The following KCNJ15 variants were observed in gnomAD, a reference collection of about 807,000 sequenced individuals.
KCNJ15 encodes the protein potassium inwardly rectifying channel subfamily J member 15.
A neutral mutation model predicts 23.0 loss-of-function variants in KCNJ15; 14 were observed. The ratio of observed to expected loss-of-function variants is 0.61; its 90% confidence interval spans 0.40 to 0.95. KCNJ15 has a LOEUF of 0.95. Ranked by LOEUF, KCNJ15 falls within the 40% of genes least tolerant of loss-of-function variation. The pLI is 0.00. For missense variants in KCNJ15, 388 were observed against 461.8 expected, an observed-to-expected ratio of 0.84 and a Z score of 1.46; for synonymous variants, 185 against 183.2, an observed-to-expected ratio of 1.01 and a Z score of -0.08.
upstream of KCNJ15, among the ~76,000 whole-genome samples, chr21:38,251,983 G>A (rs2123581983): frequency 6.6e-6 from 1 of 152,318 alleles, no homozygotes; most frequent in South Asian, 2.1e-4. Flanking sequence ...GTGGTGGGAA[G>A]ATGGGGAAGC....
chr21:38,276,328 C>G (rs1291923609), intron 1 of KCNJ15, among the ~76,000 whole-genome samples: 14 of 151,852 alleles, frequency 9.2e-5, no homozygotes. Context: ...AATGGCAGCT[C>G]TTAGGAAATG....
chr21:38,301,333 T>C lies in KCNJ15; in HGVS notation c.*944T>C, dbSNP rs1165891978. ...TGACTCTGTGTGGGTCCCGTATCCC[T>C]GTGGCATCCAGACCTGGCCTCTCTT... On this transcript the variant is annotated 3_prime_UTR_variant, in exon 3 of 3. Transcript: ENST00000398938. The C allele has an allele frequency of 6.0e-6, 1 of 167,262 alleles. No individual in the cohort carries two copies. The allele number at this position is 167,262 out of a possible 1,614,324, so 10.4% of individuals were successfully genotyped here. A position where few individuals can be genotyped will look rare whatever the true frequency, so the allele number is the denominator to read the frequency against.
upstream of KCNJ15, among the ~76,000 whole-genome samples, chr21:38,255,927 A>G (rs1023512752): frequency 1.3e-5 from 2 of 152,156 alleles, no homozygotes; most frequent in African/African-American, 4.8e-5. Flanking sequence ...ACGTGTGGGT[A>G]TATCATCGTC....
intron 1 of KCNJ15, among the ~76,000 whole-genome samples, chr21:38,288,123 C>T (rs1479445855): frequency 1.5e-5 from 2 of 134,726 alleles, no homozygotes. Flanking sequence ...TCACTGCAAG[C>T]TCCACTTCCC....
chr21:38,296,789 A>G (rs1985208086), intron 1 of KCNJ15, 137 bp from the exon 2 acceptor site: 1 of 152,626 alleles, frequency 6.6e-6, no homozygotes, highest in African/African-American at 2.4e-5. Flanking sequence ...CCTTTACCCT[A>G]TTCTGTGCAC....
intron 2 of KCNJ15, among the ~76,000 whole-genome samples, chr21:38,298,513 T>C (rs1377471073): frequency 3.3e-5 from 5 of 152,244 alleles, no homozygotes; most frequent in African/African-American, 1.2e-4. Flanking sequence ...AGAATGTTTT[T>C]GGTTGTTTCA....
chr21:38,276,684 A>T (rs1268941378), intron 1 of KCNJ15, among the ~76,000 whole-genome samples: 3 of 152,222 alleles, frequency 2.0e-5, no homozygotes, highest in Non-Finnish European at 2.9e-5. Context: ...ACAAACCTTC[A>T]TACCCTTTTT....
intron 1 of KCNJ15, among the ~76,000 whole-genome samples, chr21:38,232,473 C>T (rs1165466355): frequency 6.6e-6 from 1 of 151,632 alleles, no homozygotes; most frequent in Non-Finnish European, 1.5e-5. Context: ...TTATGTATTA[C>T]TTTCTTATGC....
At chr21:38,284,005 T>C (rs1007323394) in intron 1 of KCNJ15, among the ~76,000 whole-genome samples, 9 of 152,182 alleles carry the variant, frequency 5.9e-5, no homozygotes, top group African/African-American at 2.2e-4. Context: ...TGCACTTTCA[T>C]GGCTCAAATT....
Position 38,307,009 on chromosome 21 carries a change from A to T in KCNJ15, c.*6620A>T, listed in dbSNP as rs1025061536. On this transcript the variant is annotated 3_prime_UTR_variant, in exon 3 of 3. Coordinates refer to ENST00000398938, the MANE Select transcript of KCNJ15 (RefSeq NM_170736.3). ...ATAGAACCACATCTGATCCTTATAC[A>T]GTGTTGCAAGATATATGTCCTTGCT... 3.3e-5 allele frequency: 5 copies of T among 152,182 alleles called. No individual in the cohort carries two copies. Among genetic ancestry groups the T allele is most frequent in the African/African-American group, 9.7e-5 (4 of 41,446 alleles). 9.4% of individuals were successfully genotyped at this position (152,182 alleles called of 1,614,324 possible).
chr21:38,261,085 G>T (rs1980837874), intron 1 of KCNJ15, among the ~76,000 whole-genome samples: 1 of 139,918 alleles, frequency 7.1e-6, no homozygotes, highest in Non-Finnish European at 1.5e-5. Context: ...GAACACTGCA[G>T]GGGAGGAATG....
rs531586328 is a variant in KCNJ15, at chr21:38,304,150, G to T, written c.*3761G>T. The T allele has an allele frequency of 3.3e-5, 5 of 149,970 alleles. No homozygotes were observed. In the East Asian group the frequency reaches 9.8e-4, roughly 29 times the overall value. The allele number at this position is 149,970 out of a possible 1,614,324, so 9.3% of individuals were successfully genotyped here. On this transcript the variant is annotated 3_prime_UTR_variant, in exon 3 of 3. Coordinates refer to ENST00000398938, the MANE Select transcript of KCNJ15 (RefSeq NM_170736.3). ...GTTTTAGGGTACATGTGCACAACGTGCAGGTTTGTTACATATGTATACATG... is the reference window on the plus strand; with the variant it reads ...GTTTTAGGGTACATGTGCACAACGTTCAGGTTTGTTACATATGTATACATG...
rs1458620330 is a variant in KCNJ15 at position 38,301,181 on chromosome 21, G to C, written c.*792G>C. 3.6e-5 allele frequency: 6 copies of C among 166,514 alleles called. No individual in the cohort carries two copies. In the South Asian group the frequency reaches 6.3e-4, roughly 17 times the overall value. 10.3% of individuals were successfully genotyped at this position (166,514 alleles called of 1,614,324 possible). ...GTAATGTGTAGATTCTCATGTCCCA[G>C]CCAGACTTACAGAATTGGGGTCTGT... On this transcript the variant is annotated 3_prime_UTR_variant, in exon 3 of 3. Coordinates refer to ENST00000398938, the MANE Select transcript of KCNJ15 (RefSeq NM_170736.3).
chr21:38,251,872 G>A (rs1979863870), upstream of KCNJ15, among the ~76,000 whole-genome samples: 1 of 152,168 alleles, frequency 6.6e-6, no homozygotes, highest in Non-Finnish European at 1.5e-5. Context: ...AGTAAGTTTT[G>A]CATTTTTGGA....
At chr21:38,246,240 T>G (rs1247909581) in intron 1 of KCNJ15, among the ~76,000 whole-genome samples, 2 of 152,178 alleles carry the variant, frequency 1.3e-5, no homozygotes, top group Non-Finnish European at 2.9e-5. Flanking sequence ...TCTTTGCTGT[T>G]TTGGATAATG....
intron 1 of KCNJ15, among the ~76,000 whole-genome samples, chr21:38,277,566 T>C (rs1982852314): frequency 6.6e-6 from 1 of 152,140 alleles, no homozygotes; most frequent in South Asian, 2.1e-4. Flanking sequence ...TTCCACGTGC[T>C]CTTGGAGGAT....
At chr21:38,274,434 T>C (rs1281824992) in intron 1 of KCNJ15, among the ~76,000 whole-genome samples, 1 of 152,142 alleles carries the variant, frequency 6.6e-6, no homozygotes, top group East Asian at 1.9e-4. Context: ...AAAATGCACG[T>C]GGAGCTCTTG....
At chr21:38,263,181 T>C (rs545573535) in intron 1 of KCNJ15, among the ~76,000 whole-genome samples, 1 of 152,100 alleles carries the variant, frequency 6.6e-6, no homozygotes, top group African/African-American at 2.4e-5. Flanking sequence ...AAGTCTCCAC[T>C]CCATTGCCAG....
chr21:38,284,021 C>A (rs965744780), intron 1 of KCNJ15, among the ~76,000 whole-genome samples: 1 of 152,162 alleles, frequency 6.6e-6, no homozygotes, highest in Non-Finnish European at 1.5e-5. Context: ...AAATTCCACT[C>A]GTTGGCTTAT....
Sources: allele counts gnomAD v4.1 joint callset (sites outside exome capture counted in the v4.1 genomes callset), GRCh38; gene constraint gnomAD v4.1.1; transcripts MANE v1.5; gene names NCBI Gene and HGNC (gene_info 2026-07-23, HGNC 2026-07-21).